ENPP3: variants seen among roughly 807,000 people sequenced by gnomAD.
ENPP3 encodes the protein ectonucleotide pyrophosphatase/phosphodiesterase family member 3.
ENPP3 carries 104 observed loss-of-function variants against 117.8 expected under a neutral mutation model. The observed-to-expected ratio is 0.88, with a 90% CI of 0.75 to 1.04. The LOEUF is 1.04. Among genes scored for constraint, ENPP3 ranks in the 50% least tolerant of loss-of-function variants. The pLI, the probability that ENPP3 is intolerant of heterozygous loss-of-function variation, is 0.00. For synonymous variants in ENPP3, 380 were observed against 349.9 expected, an observed-to-expected ratio of 1.09 and a Z score of -0.96; for missense variants, 1,026 against 1,051.9, an observed-to-expected ratio of 0.98 and a Z score of 0.34.
intron 24 of ENPP3, among the ~76,000 whole-genome samples, chr6:131,741,057 C>T (rs1386156543): frequency 2.0e-5 from 3 of 152,168 alleles, no homozygotes; most frequent in Non-Finnish European, 2.9e-5. Context: ...CAAACACACA[C>T]ACACAGTGCA....
chr6:131,638,883 G>C (rs1020516904), intron 1 of ENPP3, among the ~76,000 whole-genome samples: 2 of 150,244 alleles, frequency 1.3e-5, no homozygotes, highest in African/African-American at 4.9e-5. Flanking sequence ...GGCTGGTCTT[G>C]AACCCTGGGC....
intron 17 of ENPP3, 49 bp downstream of exon 17, chr6:131,720,428 T>C (rs377224460): frequency 9.6e-6 from 9 of 942,096 alleles, no homozygotes; most frequent in Non-Finnish European, 1.4e-5. Context: ...TAGTTTTAAA[T>C]ATATGTGATT....
intron 2 of ENPP3, among the ~76,000 whole-genome samples, chr6:131,643,943 CTG>C (rs60828787): frequency 0.016 from 2,348 of 142,644 alleles, 54 homozygotes; most frequent in African/African-American, 0.054. Context: ...GTGTGTGTGT[CTG>C]TGTGTGTGTG....
intron 14 of ENPP3, among the ~76,000 whole-genome samples, chr6:131,687,260 C>A (rs961544547): frequency 2.0e-5 from 3 of 152,086 alleles, no homozygotes; most frequent in Non-Finnish European, 4.4e-5. Context: ...CTGACAAAAA[C>A]AAGCAATTGG....
intron 6 of ENPP3, among the ~76,000 whole-genome samples, chr6:131,670,978 C>A (rs1778727521): frequency 6.6e-6 from 1 of 152,060 alleles, no homozygotes; most frequent in Non-Finnish European, 1.5e-5. Context: ...TCAACAAAGA[C>A]CATATAGCTT....
chr6:131,657,013 G>T (rs913955551), intron 5 of ENPP3, among the ~76,000 whole-genome samples: 1 of 152,002 alleles, frequency 6.6e-6, no homozygotes, highest in Admixed American at 6.6e-5. Flanking sequence ...TATTTTAATG[G>T]CATATTTATG....
In ENPP3 at chr6:131,662,031, G is replaced by A. The variant is rs1354392138; in HGVS notation, c.562+3611G>A. Among the ~76,000 whole-genome samples, 3 of 152,086 alleles carry A rather than the reference G, an allele frequency of 2.0e-5. No homozygotes were observed. The East Asian group carries it at 5.8e-4, about 29-fold the overall frequency. Reference sequence around the variant, plus strand: ...CCTTCTAGAAGATTTATAGTTTCAGGTCTTACTTTGAAATCTTTAATATAC... The same window carrying A: ...CCTTCTAGAAGATTTATAGTTTCAGATCTTACTTTGAAATCTTTAATATAC... On this transcript the variant is annotated intron_variant, in intron 6 of 24. Transcript: ENST00000357639.
At chr6:131,668,335 C>G (rs995727606) in intron 6 of ENPP3, among the ~76,000 whole-genome samples, 4 of 148,810 alleles carry the variant, frequency 2.7e-5, no homozygotes, top group East Asian at 2.2e-4. Context: ...GTCTCGCCCC[C>G]CCCTGAGGAT....
At chr6:131,643,177 T>C (rs1778087970) in intron 2 of ENPP3, among the ~76,000 whole-genome samples, 1 of 152,194 alleles carries the variant, frequency 6.6e-6, no homozygotes, top group Non-Finnish European at 1.5e-5. Context: ...TATCTTCTCT[T>C]GTCACTTGGC....
chr6:131,713,228 G>GT (rs1779824369), intron 15 of ENPP3, among the ~76,000 whole-genome samples: 1 of 141,772 alleles, frequency 7.1e-6, no homozygotes. Context: ...CCAGCCATGT[G>GT]GAACTGTGAG....
At chr6:131,745,417 G>A (rs1195633280) in intron 24 of ENPP3, among the ~76,000 whole-genome samples, 1 of 152,026 alleles carries the variant, frequency 6.6e-6, no homozygotes, top group Non-Finnish European at 1.5e-5. Context: ...CCACTGCATC[G>A]AAGTCAAATG....
At chr6:131,692,686 T>C (rs922479456) in intron 14 of ENPP3, among the ~76,000 whole-genome samples, 3 of 146,622 alleles carry the variant, frequency 2.0e-5, no homozygotes, top group African/African-American at 7.5e-5. Context: ...TATGGTTATA[T>C]ATATTACATA....
At chr6:131,733,804 C>A in intron 21 of ENPP3, 81 bp downstream of exon 21, 6 of 1,442,026 alleles carry the variant, frequency 4.2e-6, no homozygotes, top group Non-Finnish European at 5.7e-6. Flanking sequence ...AACATATACT[C>A]CCCACCAAAA....
chr6:131,724,122 GA>G, intron 19 of ENPP3, 31 bp downstream of exon 19: 1 of 1,498,844 alleles, frequency 6.7e-7, no homozygotes, highest in Non-Finnish European at 9.2e-7. Flanking sequence ...TTAAGTCTTT[GA>G]TATTTAGACC....
chr6:131,637,986 A>T (rs547128661), intron 1 of ENPP3, among the ~76,000 whole-genome samples: 2 of 146,596 alleles, frequency 1.4e-5, no homozygotes, highest in South Asian at 2.2e-4. Context: ...TTAATTTTAA[A>T]TTTTTTTCTT....
In ENPP3 at chr6:131,675,968, C is replaced by A. The variant is rs375126762; in HGVS notation, c.873-768C>A. On this transcript the variant is annotated intron_variant, in intron 9 of 24. Coordinates refer to ENST00000357639, the MANE Select transcript of ENPP3 (RefSeq NM_005021.5). The stretch of plus-strand genomic sequence containing the variant: ...GCTTACAAGGCCCTGTGTGGCATGA[C>A]CTCTGGTGTCCCCTTACCTCTCAGA... 4.6e-5 allele frequency among the ~76,000 whole-genome samples: 7 copies of A among 152,318 alleles called. No homozygotes were observed. The East Asian group carries it at 1.3e-3, about 29-fold the overall frequency.
rs369326247 is a variant in ENPP3 at position 131,729,517 on chromosome 6, T to C, written c.1953+3317T>C. On this transcript the variant is annotated intron_variant, in intron 20 of 24. Transcript: ENST00000357639. ...ACTTCTCCAGTAAGATTTTGAGAGCTAAAAAGTTCATATTTTATCTGAGTG... is the reference window on the plus strand; with the variant it reads ...ACTTCTCCAGTAAGATTTTGAGAGCCAAAAAGTTCATATTTTATCTGAGTG... Among the ~76,000 whole-genome samples, 39 of 152,338 alleles carry C rather than the reference T, an allele frequency of 2.6e-4. 1 individual carries two copies. The South Asian group carries it at 7.5e-3, about 29-fold the overall frequency.
chr6:131,676,234 A>G (rs1244896213), intron 9 of ENPP3, among the ~76,000 whole-genome samples: 1 of 144,368 alleles, frequency 6.9e-6, no homozygotes, highest in Admixed American at 6.9e-5. Flanking sequence ...CCTTCATCTC[A>G]GTTACTCTGC....
chr6:131,675,679 C>G (rs1329299026), intron 9 of ENPP3, among the ~76,000 whole-genome samples: 1 of 151,836 alleles, frequency 6.6e-6, no homozygotes, highest in Non-Finnish European at 1.5e-5. Flanking sequence ...AGAAAAAATA[C>G]AAAAATTAGC....
Sources: gnomAD v4.1 joint callset for allele counts (sites outside exome capture counted in the v4.1 genomes callset) on GRCh38, gnomAD v4.1.1 for gene constraint, MANE v1.5 for transcripts, NCBI Gene and HGNC (gene_info 2026-07-23, HGNC 2026-07-21) for gene names.